SYT1: variants seen among roughly 807,000 people sequenced by gnomAD.
SYT1 encodes the protein synaptotagmin 1.
A neutral mutation model predicts 44.8 loss-of-function variants in SYT1; 8 were observed. The ratio of observed to expected loss-of-function variants is 0.18; its 90% CI spans 0.10 to 0.32. The LOEUF (loss-of-function observed/expected upper bound fraction) is 0.32, where lower values mean the gene tolerates loss of function less well. Ranked by LOEUF, SYT1 falls within the 10% of genes least tolerant of loss-of-function variation. SYT1 has a pLI of 1.00. For synonymous variants in SYT1, 154 were observed against 188.8 expected (o/e 0.82, Z 1.51); for missense variants, 286 against 509.3 (o/e 0.56, Z 4.22).
intron 3 of SYT1, among the ~76,000 whole-genome samples, chr12:79,095,075 T>C (rs1336239943): frequency 6.6e-6 from 1 of 151,844 alleles, no homozygotes; most frequent in Non-Finnish European, 1.5e-5. Flanking sequence ...GTGCCCTCAG[T>C]AGACAAAATG....
chr12:79,182,671 A>G (rs1872608166), intron 3 of SYT1, among the ~76,000 whole-genome samples: 1 of 152,114 alleles, frequency 6.6e-6, no homozygotes, highest in African/African-American at 2.4e-5. Flanking sequence ...GACTGAAAGC[A>G]GAGATCTGAA....
At chr12:79,370,044 A>C (rs1029193005) in intron 9 of SYT1, among the ~76,000 whole-genome samples, 2 of 152,216 alleles carry the variant, frequency 1.3e-5, no homozygotes, top group Non-Finnish European at 2.9e-5. Flanking sequence ...AAAATGATTT[A>C]ATCTTAAATG....
At chr12:79,163,512 A>AT (rs1262465379) in intron 3 of SYT1, among the ~76,000 whole-genome samples, 1 of 152,096 alleles carries the variant, frequency 6.6e-6, no homozygotes, top group Non-Finnish European at 1.5e-5. Flanking sequence ...ATATTCCTTG[A>AT]TAACACGGTC....
chr12:79,039,353 C>G (rs1192128128), intron 2 of SYT1, among the ~76,000 whole-genome samples: 1 of 151,924 alleles, frequency 6.6e-6, no homozygotes. Context: ...AAGTATCAAG[C>G]CTTGATAAGA....
chr12:78,977,378 G>T (rs898230913), intron 1 of SYT1: 3 of 152,152 alleles, frequency 2.0e-5, no homozygotes, highest in African/African-American at 4.8e-5. Context: ...TGCCAGAAAA[G>T]GATAGCACTC....
At chr12:78,933,914 T>A (rs1877892972) in intron 1 of SYT1, among the ~76,000 whole-genome samples, 1 of 152,072 alleles carries the variant, frequency 6.6e-6, no homozygotes, top group African/African-American at 2.4e-5. Context: ...GTTTGGTTAT[T>A]TCCAGAAACA....
intron 3 of SYT1, among the ~76,000 whole-genome samples, chr12:79,185,455 G>T (rs1872750085): frequency 1.3e-5 from 2 of 151,770 alleles, no homozygotes; most frequent in South Asian, 4.2e-4. Flanking sequence ...TCCCTTCTGT[G>T]TTAGATTTCT....
intron 1 of SYT1, among the ~76,000 whole-genome samples, chr12:78,970,907 A>G (rs1463768522): frequency 2.0e-5 from 3 of 152,164 alleles, no homozygotes; most frequent in African/African-American, 7.2e-5. Flanking sequence ...GAAATCAAGA[A>G]TTATAGCTAA....
chr12:79,350,560 G>C (rs1447394728), intron 8 of SYT1, among the ~76,000 whole-genome samples: 1 of 152,072 alleles, frequency 6.6e-6, no homozygotes, highest in Non-Finnish European at 1.5e-5. Context: ...CCCTCAGGAT[G>C]CATATTCTTG....
chr12:78,979,968 T>C (rs1402964876), intron 2 of SYT1, among the ~76,000 whole-genome samples: 1 of 152,128 alleles, frequency 6.6e-6, no homozygotes, highest in Non-Finnish European at 1.5e-5. Context: ...AGGTTTCCAT[T>C]TAAATGAATT....
intron 1 of SYT1, among the ~76,000 whole-genome samples, chr12:78,914,792 T>C (rs542354177): frequency 1.3e-5 from 2 of 152,198 alleles, no homozygotes; most frequent in African/African-American, 4.8e-5. Flanking sequence ...TTGTTTTCTA[T>C]GTATTTTTAT....
At chr12:79,445,415 A>T (rs1248512726) in intron 10 of SYT1, among the ~76,000 whole-genome samples, 1 of 151,988 alleles carries the variant, frequency 6.6e-6, no homozygotes, top group Non-Finnish European at 1.5e-5. Flanking sequence ...CATTCCTCCT[A>T]TGTAGCTGTG....
chr12:79,203,269 A>G (rs1376363111), intron 3 of SYT1, among the ~76,000 whole-genome samples: 1 of 152,108 alleles, frequency 6.6e-6, no homozygotes, highest in African/African-American at 2.4e-5. Context: ...TTGTGAGGTT[A>G]TGGTTACTTT....
In SYT1 at chr12:79,101,068, GT is replaced by G. The variant is rs991488594; in HGVS notation, c.-18+53710del. 5.7e-4 allele frequency among the ~76,000 whole-genome samples: 87 copies of G among 152,008 alleles called. 2 individuals are homozygous for G. The highest frequency in any genetic ancestry group is 2.1e-3 in the African/African-American group (86 of 41,490). ...TATCAATACATTTTATTTTACATTT[GT>G]TTTATTATTCTGATCAGAATTTATT... On this transcript the variant is annotated intron_variant, in intron 3 of 10. Coordinates refer to ENST00000261205, the MANE Select transcript of SYT1 (RefSeq NM_005639.3).
At chr12:79,217,454 C>T (rs761464609) in intron 3 of SYT1, 49 bp from the exon 4 acceptor site, 106 of 1,434,374 alleles carry the variant, frequency 7.4e-5, no homozygotes, top group Non-Finnish European at 9.3e-5. Context: ...GATGTGGGAG[C>T]AGTTAAGCCA....
intron 3 of SYT1, among the ~76,000 whole-genome samples, chr12:79,077,169 G>A (rs2137931217): frequency 6.6e-6 from 1 of 152,056 alleles, no homozygotes; most frequent in Non-Finnish European, 1.5e-5. Context: ...ATTCCTGCTT[G>A]GTTTCTGTCA....
At chr12:79,405,876 A>C (rs1369688882) in intron 9 of SYT1, among the ~76,000 whole-genome samples, 1 of 151,886 alleles carries the variant, frequency 6.6e-6, no homozygotes, top group Non-Finnish European at 1.5e-5. Flanking sequence ...TTTCCTCTTT[A>C]CCAGTAAAGC....
At chr12:79,338,541 G>A (rs1882193603) in intron 8 of SYT1, among the ~76,000 whole-genome samples, 1 of 151,472 alleles carries the variant, frequency 6.6e-6, no homozygotes. Flanking sequence ...CCAACAAACT[G>A]GGATTACAAC....
intron 3 of SYT1, chr12:79,102,881 C>T (rs1802656113): frequency 6.6e-6 from 1 of 151,258 alleles, no homozygotes; most frequent in Non-Finnish European, 1.5e-5. Context: ...TAAAATGGAC[C>T]CAACTTTTTT....
Sources: gnomAD v4.1 joint callset for allele counts (sites outside exome capture counted in the v4.1 genomes callset) on GRCh38, gnomAD v4.1.1 for gene constraint, MANE v1.5 for transcripts, NCBI Gene and HGNC (gene_info 2026-07-23, HGNC 2026-07-21) for gene names.